Variants in PDZRN3 observed in about 807,000 individuals in gnomAD.
PDZRN3 encodes the protein E3 ubiquitin-protein ligase PDZRN3.
A neutral mutation model predicts 85.7 loss-of-function variants in PDZRN3; 38 were observed. The observed-to-expected ratio is 0.44, with a 90% CI of 0.34 to 0.58. The LOEUF is 0.58. PDZRN3 is among the 20% of genes least tolerant of loss of function. The pLI, the probability that PDZRN3 is intolerant of heterozygous loss-of-function variation, is 0.01. For missense variants in PDZRN3, 1,629 were observed against 1,506.4 expected, an observed-to-expected ratio of 1.08 and a Z score of -1.35; for synonymous variants, 759 against 638.0, an observed-to-expected ratio of 1.19 and a Z score of -2.86.
At chr3:73,397,711 C>T (rs1576034146) in intron 5 of PDZRN3, among the ~76,000 whole-genome samples, 1 of 152,306 alleles carries the variant, frequency 6.6e-6, no homozygotes, top group South Asian at 2.1e-4. Flanking sequence ...GAGCCATCAC[C>T]ACCACAGGAC....
chr3:73,575,159 T>G (rs1487727606), intron 3 of PDZRN3, among the ~76,000 whole-genome samples: 1 of 152,254 alleles, frequency 6.6e-6, no homozygotes. Flanking sequence ...AGCATTATAC[T>G]GTACTGACAA....
chr3:73,401,092 A>G, intron 4 of PDZRN3, 83 bp from the exon 5 acceptor site: 1 of 998,368 alleles, frequency 1.0e-6, no homozygotes, highest in Non-Finnish European at 1.6e-6. Context: ...GGCCAGTGGC[A>G]CAGTAGCAAT....
intron 3 of PDZRN3, among the ~76,000 whole-genome samples, chr3:73,545,179 T>G (rs1030198534): frequency 6.6e-6 from 1 of 152,110 alleles, no homozygotes; most frequent in Admixed American, 6.5e-5. Context: ...TGGGGAGGGA[T>G]GAGTGGAAGC....
chr3:73,418,676 C>T (rs991190289), intron 3 of PDZRN3, among the ~76,000 whole-genome samples: 1 of 152,170 alleles, frequency 6.6e-6, no homozygotes, highest in African/African-American at 2.4e-5. Context: ...CCGTCCTTCC[C>T]CACCCTATGG....
At chr3:73,552,862 G>A (rs543699342) in intron 3 of PDZRN3, among the ~76,000 whole-genome samples, 5 of 152,154 alleles carry the variant, frequency 3.3e-5, no homozygotes, top group Non-Finnish European at 7.4e-5. Flanking sequence ...CAGTCCTACC[G>A]AGCACAGTTG....
At chr3:73,599,369 C>T (rs1235472036) in intron 3 of PDZRN3, among the ~76,000 whole-genome samples, 1 of 152,060 alleles carries the variant, frequency 6.6e-6, no homozygotes, top group African/African-American at 2.4e-5. Context: ...TACATGATTC[C>T]GTTTATAAAT....
chr3:73,469,167 G>A lies in PDZRN3; in HGVS notation c.919-64772C>T, dbSNP rs151087618. Among the ~76,000 whole-genome samples the A allele has an allele frequency of 5.9e-3, 893 of 151,236 alleles. 12 individuals are homozygous for A. Among genetic ancestry groups the A allele is most frequent in the African/African-American group, 0.021 (846 of 41,144 alleles). ...CGGCTCACTGCAACCTCCGCCTCCC[G>A]GGTTCAAGCAATTCTCTGACTCAGC... On this transcript the variant is annotated intron_variant, in intron 3 of 9. Coordinates refer to ENST00000263666, the MANE Select transcript of PDZRN3 (RefSeq NM_015009.3).
At chr3:73,555,828 T>C (rs1455366679) in intron 3 of PDZRN3, among the ~76,000 whole-genome samples, 3 of 152,166 alleles carry the variant, frequency 2.0e-5, no homozygotes, top group Non-Finnish European at 2.9e-5. Context: ...ATAAAAAGAA[T>C]AGGCTTAAAC....
At chr3:73,575,206 T>G (rs776375631) in intron 3 of PDZRN3, among the ~76,000 whole-genome samples, 3 of 152,176 alleles carry the variant, frequency 2.0e-5, no homozygotes, top group Non-Finnish European at 4.4e-5. Context: ...AGGTACTTCT[T>G]GAGAAGTTCA....
chr3:73,548,055 A>G lies in PDZRN3; in HGVS notation c.918+54299T>C, dbSNP rs117021483. 3.5e-3 allele frequency among the ~76,000 whole-genome samples: 538 copies of G among 152,196 alleles called. 3 individuals carry two copies. The highest frequency in any genetic ancestry group is 0.027 in the East Asian group (142 of 5,186). On this transcript the variant is annotated intron_variant, in intron 3 of 9. Transcript: ENST00000263666. ...AAGAGGTTGTGGAGTGCTTGCTGAG[A>G]TAAGTCTGGGCTCTGTGAAAATGTT...
chr3:73,527,774 A>G (rs371876533), intron 3 of PDZRN3, among the ~76,000 whole-genome samples: 1 of 152,158 alleles, frequency 6.6e-6, no homozygotes, highest in African/African-American at 2.4e-5. Context: ...TGGGCTCGGC[A>G]TTGTTGAAAG....
At chr3:73,403,059 T>C (rs1157874371) in intron 4 of PDZRN3, among the ~76,000 whole-genome samples, 1 of 150,578 alleles carries the variant, frequency 6.6e-6, no homozygotes, top group Non-Finnish European at 1.5e-5. Flanking sequence ...TTCTCCTGCC[T>C]CAGCCTCCCG....
chr3:73,577,610 C>T (rs1211437945), intron 3 of PDZRN3, among the ~76,000 whole-genome samples: 1 of 152,260 alleles, frequency 6.6e-6, no homozygotes, highest in Admixed American at 6.5e-5. Context: ...AGGAGAAATG[C>T]GCCCTAGATT....
intron 3 of PDZRN3, among the ~76,000 whole-genome samples, chr3:73,556,037 C>G (rs1055795560): frequency 1.3e-5 from 2 of 152,124 alleles, no homozygotes; most frequent in Admixed American, 1.3e-4. Context: ...TGCTCCCCAC[C>G]TCCCAATTTT....
At chr3:73,472,645 G>T (rs144806441) in intron 3 of PDZRN3, among the ~76,000 whole-genome samples, 1 of 152,162 alleles carries the variant, frequency 6.6e-6, no homozygotes, top group Non-Finnish European at 1.5e-5. Context: ...CTGTGGCCAG[G>T]CATTTGGGGA....
intron 3 of PDZRN3, among the ~76,000 whole-genome samples, chr3:73,505,500 AC>A (rs1489710688): frequency 5.9e-5 from 9 of 152,228 alleles, no homozygotes; most frequent in Admixed American, 3.9e-4. Flanking sequence ...ATTAAAAAAA[AC>A]ATTTTATTTA....
At chr3:73,516,231 T>C (rs1359685663) in intron 3 of PDZRN3, among the ~76,000 whole-genome samples, 2 of 152,242 alleles carry the variant, frequency 1.3e-5, no homozygotes, top group African/African-American at 4.8e-5. Flanking sequence ...GCACACTCTT[T>C]TGTGATTACA....
chr3:73,467,004 T>C (rs1418071326), intron 3 of PDZRN3, among the ~76,000 whole-genome samples: 2 of 152,208 alleles, frequency 1.3e-5, no homozygotes, highest in African/African-American at 4.8e-5. Context: ...GAATTTATCC[T>C]GGATCTGCTG....
chr3:73,624,491 C>G lies in PDZRN3; in HGVS notation c.335G>C (p.Cys112Ser), dbSNP rs1702934969. ...LERCDFAPARCRHAGCGQVLL... is the reference protein window; with the variant it reads ...LERCDFAPARSRHAGCGQVLL... ...CACCTGGCCGCAACCCGCGTGGCGA[C>G]AGCGCGCGGGCGCGAAGTCGCAGCG... Residue 112 changes from cysteine (C) to serine (S), a missense_variant, in exon 1 of 10, where the codon TGT (cysteine) becomes TCT (serine). By Grantham distance (112) the Cys-to-Ser change is moderately radical. Coordinates refer to ENST00000263666, the MANE Select transcript of PDZRN3 (RefSeq NM_015009.3). The G allele has an allele frequency of 1.4e-6, 2 of 1,410,858 alleles. No homozygotes were observed. The highest frequency in any genetic ancestry group is 1.8e-6 in the Non-Finnish European group (2 of 1,089,966). The allele number at this position is 1,410,858 out of a possible 1,614,324, so 87.4% of individuals were successfully genotyped here. A position where few individuals can be genotyped will look rare whatever the true frequency, so the allele number is the denominator to read the frequency against.
Sources: allele counts gnomAD v4.1 joint callset (sites outside exome capture counted in the v4.1 genomes callset), GRCh38; gene constraint gnomAD v4.1.1; transcripts MANE v1.5; gene names NCBI Gene and HGNC (gene_info 2026-07-23, HGNC 2026-07-21).